WNK2: variants seen among roughly 807,000 people sequenced by gnomAD.
WNK2 encodes serine/threonine-protein kinase WNK2.
In WNK2, 67 loss-of-function variants were observed where a neutral mutation model predicts 192.1. That is an observed-to-expected ratio of 0.35 (90% CI 0.29 to 0.43). The LOEUF (loss-of-function observed/expected upper bound fraction) is 0.43, where lower values mean the gene tolerates loss of function less well. Ranked by LOEUF, WNK2 falls within the 20% of genes least tolerant of loss-of-function variation. The pLI is 1.00. For missense variants in WNK2, 2,698 were observed against 3,089.7 expected (o/e 0.87, Z 3.01); for synonymous variants, 1,439 against 1,393.9 (o/e 1.03, Z -0.72).
At chr9:93,298,884 C>G (rs991668864) in intron 24 of WNK2, among the ~76,000 whole-genome samples, 186 bp from the exon 25 acceptor site, 5 of 152,216 alleles carry the variant, frequency 3.3e-5, no homozygotes, top group Admixed American at 6.5e-5. Context: ...CTGGTAGAGA[C>G]TGGGCACTTT....
At chr9:93,318,366 T>C in intron 29 of WNK2, 1 of 1,610,838 alleles carries the variant, frequency 6.2e-7, no homozygotes, top group South Asian at 1.1e-5. Flanking sequence ...TGAGCCCTGC[T>C]TTGTCCTCAG....
intron 22 of WNK2, 35 bp from the exon 23 acceptor site, chr9:93,292,456 A>G (rs1849513357): frequency 6.2e-7 from 1 of 1,612,092 alleles, no homozygotes; most frequent in South Asian, 1.1e-5. Context: ...GCTGATGTTC[A>G]CATGAAACCT....
chr9:93,261,400 AG>A (rs2132945552), intron 12 of WNK2, among the ~76,000 whole-genome samples: 1 of 152,302 alleles, frequency 6.6e-6, no homozygotes, highest in South Asian at 2.1e-4. Flanking sequence ...GCCCTCCAGG[AG>A]GCGGCAGGTG....
At position 93,274,800 on chromosome 9, in the gene WNK2, C is replaced by A. The variant is rs534016056; in HGVS notation, c.4033+6054C>A. ...GTTAAAAATCTCCCCAAAAAGAATT[C>A]TCCAGGCCAAAATAGTTGCACTGGT... On this transcript the variant is annotated intron_variant, in intron 19 of 29. Transcript: ENST00000427277. Among the ~76,000 whole-genome samples the A allele has an allele frequency of 2.6e-5, 4 of 152,284 alleles. No homozygotes were observed. The South Asian group carries it at 6.2e-4, about 24-fold the overall frequency.
Position 93,320,405 on chromosome 9 carries a change from G to T in WNK2, c.*13G>T, listed in dbSNP as rs370785662. On this transcript the variant is annotated 3_prime_UTR_variant, in exon 30 of 30. Transcript: ENST00000427277. The stretch of plus-strand genomic sequence containing the variant: ...GAAGCCTGACTGACCCCGCCTAGAC[G>T]CCAGGCCCACTTCACGCCGTCTAAG... The T allele has an allele frequency of 1.4e-5, 19 of 1,367,522 alleles. No homozygotes were observed. Among genetic ancestry groups the T allele is most frequent in the Non-Finnish European group, 1.7e-5 (17 of 1,021,864 alleles). 84.7% of individuals were successfully genotyped at this position (1,367,522 alleles called of 1,614,324 possible).
chr9:93,268,879 G>A lies in WNK2; in HGVS notation c.4033+133G>A, dbSNP rs555093767. 277 of 1,572,024 alleles carry A rather than the reference G, an allele frequency of 1.8e-4. 1 individual carries two copies. The South Asian group carries it at 2.6e-3, about 15-fold the overall frequency. On this transcript the variant is annotated intron_variant, in intron 19 of 29. Coordinates refer to ENST00000427277, the MANE Select transcript of WNK2 (RefSeq NM_006648.4). ...CTCACCCTGCCCTGTCTCCCATGGC[G>A]CAGAGCAGCCTGTGGGGCTGTGTTC...
chr9:93,317,259 T>G (rs569372553), intron 28 of WNK2: 134 of 573,494 alleles, frequency 2.3e-4, no homozygotes, highest in African/African-American at 2.2e-3. Flanking sequence ...CTCCTCCAAG[T>G]CCCATTTTGG....
intron 4 of WNK2, among the ~76,000 whole-genome samples, chr9:93,234,008 G>C (rs1437320754): frequency 2.0e-5 from 3 of 152,196 alleles, no homozygotes; most frequent in African/African-American, 7.2e-5. Context: ...ACCAATATAA[G>C]TAAAATAAAA....
chr9:93,275,236 G>A (rs1347632984), intron 19 of WNK2, among the ~76,000 whole-genome samples: 1 of 152,138 alleles, frequency 6.6e-6, no homozygotes, highest in African/African-American at 2.4e-5. Flanking sequence ...TGGCAAACAA[G>A]CCAGGCACAA....
rs950790254 is a variant in WNK2 at position 93,257,935 on chromosome 9, C to T, written c.2382+796C>T. Among the ~76,000 whole-genome samples the T allele has an allele frequency of 6.6e-6, 1 of 152,176 alleles. No homozygotes were observed. The highest frequency in any genetic ancestry group is 2.1e-4 in the South Asian group (1 of 4,828). On this transcript the variant is annotated intron_variant, in intron 11 of 29. Transcript: ENST00000427277. The surrounding 1 kb of genome is among the most constrained non-coding windows in gnomAD (Gnocchi z 4.7). Reference sequence around the variant, plus strand: ...GGTACTCCCGAGGGCTTCGGTGACCCGGACAGGCTGATCAGTGATAAGACT... The same window carrying T: ...GGTACTCCCGAGGGCTTCGGTGACCTGGACAGGCTGATCAGTGATAAGACT...
At chr9:93,241,631 C>G (rs1840781954) in intron 7 of WNK2, among the ~76,000 whole-genome samples, 1 of 151,984 alleles carries the variant, frequency 6.6e-6, no homozygotes, top group Admixed American at 6.5e-5. Context: ...GGAGGTCTGA[C>G]TCGGGTGTGG....
rs1297226764 is a variant in WNK2 at position 93,238,321 on chromosome 9, G to C, written c.1322G>C (p.Arg441Thr). ...GECICKNKEERYEIKDLLSHA... is the reference protein window; with the variant it reads ...GECICKNKEETYEIKDLLSHA... ...TGTATCTGCAAAAACAAGGAGGAAA[G>C]GTGAGTTCCCCTGAAGGGCTGGGTT... Residue 441 changes from arginine (R) to threonine (T), a missense_variant and splice_region_variant, in exon 6 of 30, where the codon AGG becomes ACG. By Grantham distance (71) the Arg-to-Thr change is moderately conservative (BLOSUM62 -1). Transcript: ENST00000427277. The C allele has an allele frequency of 6.2e-7, 1 of 1,613,718 alleles. No individual in the cohort carries two copies. Among genetic ancestry groups the C allele is most frequent in the African/African-American group, 1.3e-5 (1 of 74,932 alleles).
intron 2 of WNK2, among the ~76,000 whole-genome samples, chr9:93,220,298 C>T (rs201412740): frequency 5.3e-5 from 8 of 152,280 alleles, no homozygotes; most frequent in Middle Eastern, 3.4e-3. Flanking sequence ...GGTTCCACCC[C>T]GTCTCTCTGA....
chr9:93,257,120 T>G lies in WNK2; in HGVS notation c.2363T>G (p.Leu788Arg), dbSNP rs529611845. 14 of 1,608,836 alleles carry G rather than the reference T, an allele frequency of 8.7e-6. No individual in the cohort carries two copies. The African/African-American group carries it at 1.7e-4, about 20-fold the overall frequency. ...LQMPQAPLQP[L>R]AQVPPQMPPI... ...ATGCCACAGGCGCCCCTGCAGCCGC[T>G]TGCTCAAGTCCCTCCGCAGGTAATT... Residue 788 changes from leucine to arginine, a missense_variant, in exon 11 of 30, where the codon CTT becomes CGT. By Grantham distance (102) the Leu-to-Arg change is moderately radical (BLOSUM62 -2). Transcript: ENST00000427277. This position sits in a 1 kb window ranked among gnomAD's most constrained non-coding sequence, Gnocchi z 4.7.
intron 5 of WNK2, among the ~76,000 whole-genome samples, chr9:93,237,695 T>C (rs1178418106): frequency 6.6e-6 from 1 of 152,186 alleles, no homozygotes; most frequent in Admixed American, 6.5e-5. Flanking sequence ...TTGGATGCTG[T>C]ACATTGTACA....
rs550112421 is a variant in WNK2, at chr9:93,263,698, G to A, written c.3543G>A (p.Gln1181=). Residue 1181 remains glutamine (Q), a synonymous_variant, in exon 15 of 30, where the codon CAG becomes CAA. Coordinates refer to ENST00000427277, the MANE Select transcript of WNK2 (RefSeq NM_006648.4). The part of the protein sequence containing the change: ...HRRSTRARSR[Q]ERASRPRLTI... ...GGTCCACGCGTGCGCGCTCCCGGCA[G>A]GAGAGGGCCAGCCGGCCCCGGCTTA... is the stretch of plus-strand genomic sequence containing the variant. The A allele has an allele frequency of 1.8e-5, 28 of 1,551,208 alleles. No individual in the cohort carries two copies. The African/African-American group carries it at 2.5e-4, about 14-fold the overall frequency.
At chr9:93,188,642 C>A (rs754035652) in intron 2 of WNK2, among the ~76,000 whole-genome samples, 1 of 152,220 alleles carries the variant, frequency 6.6e-6, no homozygotes, top group Non-Finnish European at 1.5e-5. Context: ...TCCTGTGTTC[C>A]TGTGGTCATC....
chr9:93,274,515 C>CAAAAAAAGAAAAAAAAA (rs1564146364), intron 19 of WNK2, among the ~76,000 whole-genome samples: 3 of 118,392 alleles, frequency 2.5e-5, no homozygotes, highest in Non-Finnish European at 3.5e-5. Flanking sequence ...CCGTCTCAAC[C>CAAAAAAAGAAAAAAAAA]AAAAAAAAAA....
At chr9:93,193,241 G>A (rs916639429) in intron 2 of WNK2, among the ~76,000 whole-genome samples, 9 of 152,196 alleles carry the variant, frequency 5.9e-5, no homozygotes, top group Middle Eastern at 3.2e-3. Context: ...GCCCTGCCAT[G>A]TTCCCAGTGC....
Sources: allele counts gnomAD v4.1 joint callset (sites outside exome capture counted in the v4.1 genomes callset), GRCh38; gene constraint gnomAD v4.1.1; non-coding constraint Gnocchi (gnomAD v3.1); transcripts MANE v1.5; gene names NCBI Gene and HGNC (gene_info 2026-07-23, HGNC 2026-07-21).